Variants in GRM7 observed in about 807,000 individuals in gnomAD.
GRM7 encodes metabotropic glutamate receptor 7.
GRM7 carries 35 observed loss-of-function variants against 84.5 expected under a neutral mutation model. That is an observed-to-expected ratio of 0.41 (90% CI 0.32 to 0.55). GRM7 has a LOEUF of 0.55. Among genes scored for constraint, GRM7 ranks in the 20% least tolerant of loss-of-function variants. The pLI, the probability that GRM7 is intolerant of heterozygous loss-of-function variation, is 0.19. For missense variants in GRM7, 1,003 were observed against 1,194.6 expected (o/e 0.84, Z 2.36); for synonymous variants, 487 against 455.1 (o/e 1.07, Z -0.89).
intron 8 of GRM7, among the ~76,000 whole-genome samples, chr3:7,637,000 G>T (rs765275402): frequency 1.3e-5 from 2 of 152,116 alleles, no homozygotes; most frequent in Non-Finnish European, 2.9e-5. Flanking sequence ...TTAACTTCGT[G>T]GTCATGGCAT....
intron 1 of GRM7, among the ~76,000 whole-genome samples, chr3:6,984,928 C>T (rs1447695994): frequency 6.6e-6 from 1 of 152,174 alleles, no homozygotes; most frequent in African/African-American, 2.4e-5. Flanking sequence ...GTTTGTGTAT[C>T]AGTGCAGCTC....
intron 1 of GRM7, among the ~76,000 whole-genome samples, chr3:7,102,348 C>G (rs893801020): frequency 1.3e-5 from 2 of 151,624 alleles, no homozygotes; most frequent in African/African-American, 4.8e-5. Flanking sequence ...CAACATTGTT[C>G]TATTGTATGC....
chr3:7,417,249 T>A (rs1696202820), intron 5 of GRM7, among the ~76,000 whole-genome samples: 1 of 152,126 alleles, frequency 6.6e-6, no homozygotes, highest in African/African-American at 2.4e-5. Flanking sequence ...ATTCTCACCT[T>A]CCTTTTTCCT....
At chr3:7,024,775 C>T (rs549034549) in intron 1 of GRM7, among the ~76,000 whole-genome samples, 1 of 152,340 alleles carries the variant, frequency 6.6e-6, no homozygotes, top group Admixed American at 6.5e-5. Context: ...TCTCCTAGAA[C>T]TGTCTCTGTC....
chr3:7,563,683 A>G (rs1018362200), intron 7 of GRM7, among the ~76,000 whole-genome samples: 4 of 152,190 alleles, frequency 2.6e-5, no homozygotes, highest in Non-Finnish European at 4.4e-5. Flanking sequence ...GAAGAGGCCA[A>G]TGAAACTGGA....
At chr3:7,283,453 G>T (rs1293524747) in intron 2 of GRM7, among the ~76,000 whole-genome samples, 3 of 151,954 alleles carry the variant, frequency 2.0e-5, no homozygotes, top group African/African-American at 4.8e-5. Context: ...GTTCCGTTCA[G>T]ACACACAAAT....
intron 1 of GRM7, among the ~76,000 whole-genome samples, chr3:6,925,399 C>T (rs1301496707): frequency 1.3e-5 from 2 of 152,114 alleles, no homozygotes; most frequent in African/African-American, 4.8e-5. Context: ...TGCTTTATAC[C>T]ATACTTGAGA....
chr3:7,002,231 A>G (rs916620320), intron 1 of GRM7, among the ~76,000 whole-genome samples: 1 of 152,172 alleles, frequency 6.6e-6, no homozygotes, highest in Non-Finnish European at 1.5e-5. Context: ...TCTGAATCAA[A>G]CAGACCTGCC....
intron 1 of GRM7, among the ~76,000 whole-genome samples, chr3:7,138,273 A>G (rs1693833851): frequency 6.6e-6 from 1 of 152,020 alleles, no homozygotes; most frequent in Non-Finnish European, 1.5e-5. Context: ...ATAATCATAA[A>G]CTGTAGGTGA....
chr3:7,108,805 T>G (rs1692742915), intron 1 of GRM7, among the ~76,000 whole-genome samples: 1 of 151,758 alleles, frequency 6.6e-6, no homozygotes, highest in Admixed American at 6.6e-5. Flanking sequence ...CCAGGGGTGG[T>G]TTTTGCAGAA....
chr3:6,931,930 A>G (rs1272771222), intron 1 of GRM7, among the ~76,000 whole-genome samples: 1 of 152,232 alleles, frequency 6.6e-6, no homozygotes, highest in Non-Finnish European at 1.5e-5. Flanking sequence ...AAAGTCGATT[A>G]AGTAAATTAT....
chr3:6,917,679 A>T (rs1411794927), intron 1 of GRM7, among the ~76,000 whole-genome samples: 1 of 152,092 alleles, frequency 6.6e-6, no homozygotes, highest in Non-Finnish European at 1.5e-5. Flanking sequence ...TCAGGAAAGT[A>T]TTTCTCCTGT....
At chr3:7,208,130 G>A (rs1379762746) in intron 2 of GRM7, among the ~76,000 whole-genome samples, 1 of 152,110 alleles carries the variant, frequency 6.6e-6, no homozygotes, top group East Asian at 1.9e-4. Context: ...AATCAGAGAG[G>A]ATAAACATTT....
At chr3:7,031,486 G>T (rs1035235531) in intron 1 of GRM7, among the ~76,000 whole-genome samples, 1 of 151,488 alleles carries the variant, frequency 6.6e-6, no homozygotes, top group Admixed American at 6.6e-5. Context: ...GCCTGATCTC[G>T]GCTCACTGCA....
rs990266786 is a variant in GRM7, at chr3:7,125,260, A to G, written c.520-21192A>G. ...GGCCTAATAGTTTTTTATTAGCTGC[A>G]CAGGGAGGCTAATCCCAGTCACTCA... is the stretch of plus-strand genomic sequence containing the variant. On this transcript the variant is annotated intron_variant, in intron 1 of 9. Transcript: ENST00000357716. Among the ~76,000 whole-genome samples the G allele has an allele frequency of 1.3e-4, 20 of 152,276 alleles. 4 individuals are homozygous for G. The highest frequency in any genetic ancestry group is 4.6e-4 in the Admixed American group (7 of 15,294).
At chr3:6,933,375 C>T (rs867100822) in intron 1 of GRM7, among the ~76,000 whole-genome samples, 36 of 152,192 alleles carry the variant, frequency 2.4e-4, no homozygotes, top group Middle Eastern at 3.4e-3. Flanking sequence ...GGACTCTAAA[C>T]TGATTGTAGT....
chr3:7,205,776 C>A (rs1696217421), intron 2 of GRM7, among the ~76,000 whole-genome samples: 1 of 152,018 alleles, frequency 6.6e-6, no homozygotes, highest in Non-Finnish European at 1.5e-5. Flanking sequence ...GATAAACTGG[C>A]CATAAAGGGG....
At chr3:6,955,220 T>G (rs1291137715) in intron 1 of GRM7, among the ~76,000 whole-genome samples, 4 of 152,192 alleles carry the variant, frequency 2.6e-5, no homozygotes, top group Admixed American at 2.6e-4. Flanking sequence ...AGAATAATAC[T>G]GCATACAGCA....
At chr3:6,908,235 G>A (rs960086279) in intron 1 of GRM7, among the ~76,000 whole-genome samples, 1 of 152,108 alleles carries the variant, frequency 6.6e-6, no homozygotes, top group African/African-American at 2.4e-5. Context: ...TAGGAATGCC[G>A]GTTGAGCCTT....
Sources: allele counts gnomAD v4.1 joint callset (sites outside exome capture counted in the v4.1 genomes callset), GRCh38; gene constraint gnomAD v4.1.1; transcripts MANE v1.5; gene names NCBI Gene and HGNC (gene_info 2026-07-23, HGNC 2026-07-21).